The following TECRL variants were observed in gnomAD, a reference collection of about 807,000 sequenced individuals.
TECRL encodes trans-2,3-enoyl-CoA reductase-like.
A neutral mutation model predicts 52.8 loss-of-function variants in TECRL; 63 were observed. The ratio of observed to expected loss-of-function variants is 1.19; its 90% CI spans 0.97 to 1.47. The LOEUF (loss-of-function observed/expected upper bound fraction) is 1.47. Ranked by LOEUF, TECRL falls within the 40% of genes most tolerant of loss-of-function variation. The probability of loss-of-function intolerance (pLI) is 0.00; values close to 1 mark genes in which losing one functional copy is unlikely to be tolerated. For synonymous variants in TECRL, 164 were observed against 141.9 expected, an observed-to-expected ratio of 1.16 and a Z score of -1.10; for missense variants, 482 against 429.6, an observed-to-expected ratio of 1.12 and a Z score of -1.08.
chr4:64,354,775 T>A (rs1720646385), intron 2 of TECRL, among the ~76,000 whole-genome samples: 1 of 152,170 alleles, frequency 6.6e-6, no homozygotes, highest in Non-Finnish European at 1.5e-5. Flanking sequence ...GAAGGAAACC[T>A]TCTAGGCAAT....
chr4:64,280,668 A>G (rs1488450141), intron 11 of TECRL, among the ~76,000 whole-genome samples: 1 of 152,140 alleles, frequency 6.6e-6, no homozygotes, highest in Non-Finnish European at 1.5e-5. Flanking sequence ...TAAAATGCTC[A>G]GTATTCAAGA....
chr4:64,296,900 G>A (rs902152901), intron 8 of TECRL, among the ~76,000 whole-genome samples: 3 of 151,484 alleles, frequency 2.0e-5, no homozygotes, highest in Non-Finnish European at 4.4e-5. Flanking sequence ...TCATAAATTT[G>A]CCTGTATTTG....
intron 7 of TECRL, among the ~76,000 whole-genome samples, chr4:64,303,453 T>G (rs1246287916): frequency 1.3e-5 from 2 of 151,786 alleles, no homozygotes. Context: ...ACAGAATTTA[T>G]GTAACTGACT....
chr4:64,403,475 G>GCGCACACACACACACA (rs59253067), intron 1 of TECRL, among the ~76,000 whole-genome samples: 98 of 148,342 alleles, frequency 6.6e-4, no homozygotes, highest in African/African-American at 1.8e-3. Context: ...CTCCCTGAGC[G>GCGCACACACACACACA]CACACACACA....
At chr4:64,352,572 C>T (rs570853766) in intron 2 of TECRL, among the ~76,000 whole-genome samples, 3 of 152,278 alleles carry the variant, frequency 2.0e-5, no homozygotes, top group African/African-American at 4.8e-5. Flanking sequence ...ACATGTATCA[C>T]CAATATCTTA....
chr4:64,315,531 T>A (rs1001956918), intron 4 of TECRL, among the ~76,000 whole-genome samples: 1 of 151,986 alleles, frequency 6.6e-6, no homozygotes, highest in Admixed American at 6.6e-5. Flanking sequence ...TACTTTGGAG[T>A]TTTCAAAGAG....
chr4:64,325,358 C>A (rs1211347603), intron 3 of TECRL, among the ~76,000 whole-genome samples: 3 of 152,108 alleles, frequency 2.0e-5, no homozygotes, highest in Non-Finnish European at 2.9e-5. Flanking sequence ...TTTGGAGCAC[C>A]AGGGAACAAG....
intron 1 of TECRL, among the ~76,000 whole-genome samples, chr4:64,398,077 A>ATATTC (rs1724086692): frequency 1.2e-5 from 1 of 80,842 alleles, no homozygotes; most frequent in Non-Finnish European, 3.4e-5. Flanking sequence ...ATTTCATTAA[A>ATATTC]CATTATTTTA....
intron 9 of TECRL, among the ~76,000 whole-genome samples, chr4:64,282,397 G>A (rs1722873558): frequency 2.0e-5 from 3 of 151,978 alleles, no homozygotes; most frequent in Admixed American, 6.6e-5. Context: ...TAAAATGTCA[G>A]TGTGTTGTTT....
intron 5 of TECRL, among the ~76,000 whole-genome samples, chr4:64,314,023 A>T (rs1407378159): frequency 2.0e-5 from 3 of 147,554 alleles, no homozygotes; most frequent in Non-Finnish European, 4.5e-5. Context: ...TGTGGCAAGC[A>T]CCTGTAGTCC....
intron 1 of TECRL, among the ~76,000 whole-genome samples, chr4:64,407,309 T>C (rs1724799026): frequency 6.6e-6 from 1 of 152,034 alleles, no homozygotes; most frequent in Admixed American, 6.6e-5. Flanking sequence ...CATGCAAAAT[T>C]GCAAAATTCT....
At chr4:64,301,803 T>A (rs899805025) in intron 7 of TECRL, among the ~76,000 whole-genome samples, 2 of 151,248 alleles carry the variant, frequency 1.3e-5, no homozygotes, top group African/African-American at 4.8e-5. Flanking sequence ...TATTTTTAAA[T>A]GAAAATGAAT....
At chr4:64,323,590 A>C (rs1219410276) in intron 3 of TECRL, among the ~76,000 whole-genome samples, 2 of 152,122 alleles carry the variant, frequency 1.3e-5, no homozygotes, top group Non-Finnish European at 2.9e-5. Flanking sequence ...AAATAGAAAG[A>C]AGGGAAGCAA....
chr4:64,376,346 G>A (rs1249282070), intron 1 of TECRL, among the ~76,000 whole-genome samples: 3 of 151,768 alleles, frequency 2.0e-5, no homozygotes, highest in Non-Finnish European at 4.4e-5. Flanking sequence ...TTTGTGTTAT[G>A]CTATTAATAG....
At chr4:64,333,422 C>T (rs1718793677) in intron 2 of TECRL, among the ~76,000 whole-genome samples, 1 of 151,964 alleles carries the variant, frequency 6.6e-6, no homozygotes, top group Admixed American at 6.6e-5. Context: ...AAGTTGATTT[C>T]AAGAGAAAGC....
At chr4:64,340,900 C>A (rs1719522613) in intron 2 of TECRL, among the ~76,000 whole-genome samples, 1 of 152,192 alleles carries the variant, frequency 6.6e-6, no homozygotes, top group African/African-American at 2.4e-5. Flanking sequence ...TCAGGCAGAG[C>A]TGAGGAGAGG....
chr4:64,384,827 C>A (rs543882394), intron 1 of TECRL, among the ~76,000 whole-genome samples: 361 of 152,204 alleles, frequency 2.4e-3, no homozygotes, highest in Non-Finnish European at 1.6e-3. Flanking sequence ...TGGCTTCAGC[C>A]CCCTGGATAA....
intron 1 of TECRL, among the ~76,000 whole-genome samples, chr4:64,401,221 C>T (rs1724339346): frequency 6.6e-6 from 1 of 152,184 alleles, no homozygotes; most frequent in Non-Finnish European, 1.5e-5. Flanking sequence ...TCCAAATGCC[C>T]TAGCAAGGCA....
intron 2 of TECRL, among the ~76,000 whole-genome samples, chr4:64,364,116 C>A (rs2109626893): frequency 6.6e-6 from 1 of 152,040 alleles, no homozygotes; most frequent in South Asian, 2.1e-4. Flanking sequence ...TCTCTCAGAG[C>A]CATATATCTA....
Sources: gnomAD v4.1 joint callset for allele counts (sites outside exome capture counted in the v4.1 genomes callset) on GRCh38, gnomAD v4.1.1 for gene constraint, MANE v1.5 for transcripts, NCBI Gene and HGNC (gene_info 2026-07-23, HGNC 2026-07-21) for gene names.